ZNF534: variants seen among roughly 807,000 people sequenced by gnomAD.
The protein encoded by ZNF534 is zinc finger protein 534.
In ZNF534, 19 loss-of-function variants were observed where a neutral mutation model predicts 13.6. That is an observed-to-expected ratio of 1.40 (90% CI 0.97 to 2.05). The LOEUF is 2.05. Among genes scored for constraint, ZNF534 ranks in the 30% most tolerant of loss-of-function variants. The probability of loss-of-function intolerance (pLI) is 0.00; values close to 1 mark genes in which losing one functional copy is unlikely to be tolerated. For missense variants in ZNF534, 782 were observed against 796.3 expected (o/e 0.98, Z 0.22); for synonymous variants, 244 against 273.8 (o/e 0.89, Z 1.07).
rs376838908 is a variant in ZNF534 at position 52,434,044 on chromosome 19, C to T, written c.105C>T (p.Asp35=). The change falls in exon 3 of 5, where the codon GAC becomes GAT. Residue 35 remains aspartate (D), a synonymous_variant. Coordinates refer to ENST00000433050, the MANE Select transcript of ZNF534 (RefSeq NM_001143938.3). The stretch of plus-strand genomic sequence containing the variant: ...CTGGGCAGAAAGCTTTATACAGGGA[C>T]GTGATGTTAGAGAACTACAGGAACC... ...LDPGQKALYR[D]VMLENYRNLV... is the part of the protein sequence containing the mutation. 8.1e-6 allele frequency: 13 copies of T among 1,613,924 alleles called. No individual in the cohort carries two copies. Among genetic ancestry groups the T allele is most frequent in the East Asian group, 4.5e-5 (2 of 44,878 alleles).
At chr19:52,430,825 C>T (rs947070805) in intron 1 of ZNF534, among the ~76,000 whole-genome samples, 14 of 149,580 alleles carry the variant, frequency 9.4e-5, no homozygotes, top group African/African-American at 1.5e-4. Flanking sequence ...GGATTACAGG[C>T]GTGAACCACC....
rs201168463 is a variant in ZNF534, at chr19:52,434,063, A to G, written c.124A>G (p.Arg42Gly). 190 of 1,614,174 alleles carry G rather than the reference A, an allele frequency of 1.2e-4. No homozygotes were observed. Among genetic ancestry groups the G allele is most frequent in the Middle Eastern group, 3.3e-4 (2 of 6,062 alleles). Residue 42 changes from arginine to glycine, a missense_variant, in exon 3 of 5, where the codon AGG (arginine) becomes GGG (glycine). Physicochemically the swap from Arg to Gly is moderately radical, Grantham distance 125. Around this residue, in one of 5 missense-constraint regions of ZNF534, gnomAD observed 81 missense variants for 63.5 expected, o/e 1.28. Transcript: ENST00000433050. ...CAGGGACGTGATGTTAGAGAACTAC[A>G]GGAACCTGGTCTCCCTAGGTGAGGA... is the stretch of plus-strand genomic sequence containing the variant. ...LYRDVMLENY[R>G]NLVSLGICLP...
In ZNF534 at chr19:52,430,540, A is replaced by G. The variant is rs117456643; in HGVS notation, c.-67-868A>G. The stretch of plus-strand genomic sequence containing the variant: ...CTCTGCATGAGCTTTGGTCAGGGTG[A>G]GGTCTGTGCTTTTTTTTTGTTTTTT... On this transcript the variant is annotated intron_variant, in intron 1 of 4. Transcript: ENST00000433050. Among the ~76,000 whole-genome samples the G allele has an allele frequency of 8.4e-3, 1,256 of 150,172 alleles. 22 individuals carry two copies. The highest frequency in any genetic ancestry group is 0.038 in the Middle Eastern group (11 of 292).
rs1275572215 is a variant in ZNF534 at position 52,450,287 on chromosome 19, A to T, written c.272-900A>T. On this transcript the variant is annotated intron_variant, in intron 4 of 4. Coordinates refer to the ZNF534 transcript ENST00000301085. ...TGAAGAGTTTTCCTATTGTTTTCTT[A>T]TAGTTTTATAGTTTCAGATCTTCCA... 2.0e-5 allele frequency among the ~76,000 whole-genome samples: 3 copies of T among 152,036 alleles called. No homozygotes were observed. In the East Asian group the frequency reaches 5.8e-4, roughly 29 times the overall value.
chr19:52,442,637 C>T (rs1266845251), downstream of ZNF534, among the ~76,000 whole-genome samples: 1 of 152,180 alleles, frequency 6.6e-6, no homozygotes, highest in Non-Finnish European at 1.5e-5. Flanking sequence ...CAGAAAGCTA[C>T]TTTCCTCTTT....
At chr19:52,433,379 G>A (rs1293032795) in intron 2 of ZNF534, among the ~76,000 whole-genome samples, 1 of 151,336 alleles carries the variant, frequency 6.6e-6, no homozygotes, top group East Asian at 1.9e-4. Context: ...TTTTTGGGGG[G>A]GGGAGGGGAC....
intron 1 of ZNF534, among the ~76,000 whole-genome samples, chr19:52,430,913 C>T (rs916111741): frequency 6.7e-6 from 1 of 149,044 alleles, no homozygotes; most frequent in African/African-American, 2.5e-5. Flanking sequence ...TGCAATGGTG[C>T]GATCTCGGCT....
At chr19:52,437,659 G>T in intron 4 of ZNF534, 73 bp from the exon 5 acceptor site, 2 of 1,385,218 alleles carry the variant, frequency 1.4e-6, no homozygotes, top group South Asian at 3.1e-5. Flanking sequence ...AAGTGATGCA[G>T]AATCTTGTTT....
downstream of ZNF534, among the ~76,000 whole-genome samples, chr19:52,446,953 G>C (rs542097071): frequency 2.6e-5 from 4 of 152,172 alleles, no homozygotes; most frequent in Non-Finnish European, 5.9e-5. Flanking sequence ...CTTGAGGAAA[G>C]AATTTGTTTT....
intron 4 of ZNF534, among the ~76,000 whole-genome samples, chr19:52,448,261 A>G (rs571055002): frequency 1.1e-4 from 16 of 152,214 alleles, no homozygotes; most frequent in African/African-American, 3.1e-4. Flanking sequence ...CTAAAAATAC[A>G]AAACAATTAG....
At chr19:52,452,046 A>G (rs2059219606) in exon 5 of ZNF534, 1 of 193,628 alleles carries the variant, frequency 5.2e-6, no homozygotes, top group Non-Finnish European at 1.1e-5. Context: ...TAAACTTACT[A>G]GCTTTACCTT....
chr19:52,444,478 C>A (rs140558656), downstream of ZNF534, among the ~76,000 whole-genome samples: 9 of 152,198 alleles, frequency 5.9e-5, no homozygotes, highest in African/African-American at 2.2e-4. Context: ...GCTGGTTGGC[C>A]TCCTGCTAGG....
rs140111093 is a variant in ZNF534, at chr19:52,441,255, C to G, written c.*1809C>G. Among the ~76,000 whole-genome samples, 290 of 152,286 alleles carry G rather than the reference C, an allele frequency of 1.9e-3. 1 individual carries two copies. The highest frequency in any genetic ancestry group is 6.5e-3 in the African/African-American group (270 of 41,564). Reference sequence around the variant, plus strand: ...GTACTCCAGGCATGGTGGCTCACACCTATAATCCCAGCCCTTTGGGAGGCC... The same window carrying G: ...GTACTCCAGGCATGGTGGCTCACACGTATAATCCCAGCCCTTTGGGAGGCC... On this transcript the variant is annotated 3_prime_UTR_variant, in exon 5 of 5. Coordinates refer to ENST00000433050, the MANE Select transcript of ZNF534 (RefSeq NM_001143938.3).
At position 52,437,740 on chromosome 19, in the gene ZNF534, T is replaced by C. The variant is rs1189208693; in HGVS notation, c.280T>C (p.Ser94Pro). 6.4e-7 allele frequency: 1 copy of C among 1,569,194 alleles called. No individual in the cohort carries two copies. Among genetic ancestry groups the C allele is most frequent in the South Asian group, 1.2e-5 (1 of 83,052 alleles). The change falls in exon 5 of 5, where the codon TCT becomes CCT. Residue 94 changes from serine to proline, a missense_variant. Coordinates refer to ENST00000433050, the MANE Select transcript of ZNF534 (RefSeq NM_001143938.3). ...CIKGVNTEKS[S>P]KLGSSAGNKS... ...TTTTCTTGCTTTTCTAGAGAAGAGT[T>C]CTAAATTGGGAAGCAGTGCAGGAAA... is the stretch of plus-strand genomic sequence containing the variant.
downstream of ZNF534, among the ~76,000 whole-genome samples, chr19:52,446,843 G>A (rs1299253697): frequency 6.6e-6 from 1 of 152,214 alleles, no homozygotes; most frequent in Non-Finnish European, 1.5e-5. Context: ...GGGTGACAGA[G>A]CAAGATCCTG....
intron 4 of ZNF534, among the ~76,000 whole-genome samples, chr19:52,449,895 T>C (rs963035463): frequency 6.6e-6 from 1 of 151,918 alleles, no homozygotes; most frequent in African/African-American, 2.4e-5. Flanking sequence ...TGGTGTGTGC[T>C]TGTAATCCCA....
chr19:52,446,865 G>C (rs1466157073), downstream of ZNF534, among the ~76,000 whole-genome samples: 2 of 152,102 alleles, frequency 1.3e-5, no homozygotes, highest in Non-Finnish European at 2.9e-5. Flanking sequence ...CTCACACACA[G>C]ACGTACAATT....
At chr19:52,448,294 A>G (rs2059201114) in intron 4 of ZNF534, among the ~76,000 whole-genome samples, 1 of 152,098 alleles carries the variant, frequency 6.6e-6, no homozygotes, top group Non-Finnish European at 1.5e-5. Flanking sequence ...GCTACTTGGG[A>G]GGCTGAGGCA....
intron 4 of ZNF534, among the ~76,000 whole-genome samples, chr19:52,449,845 C>T (rs903461906): frequency 2.6e-5 from 4 of 151,976 alleles, no homozygotes; most frequent in Non-Finnish European, 4.4e-5. Flanking sequence ...GGTGGTGAAA[C>T]GCTGTCTCTA....
Sources: gnomAD v4.1 joint callset for allele counts (sites outside exome capture counted in the v4.1 genomes callset) on GRCh38, gnomAD v4.1.1 for gene constraint, gnomAD v4.1.1 regional missense constraint, MANE v1.5 for transcripts, NCBI Gene and HGNC (gene_info 2026-07-23, HGNC 2026-07-21) for gene names.